The following PLEKHB1 variants were observed in gnomAD, a reference collection of about 807,000 sequenced individuals.
PLEKHB1 encodes pleckstrin homology domain containing B1, also known as pleckstrin homology domain-containing family B member 1.
PLEKHB1 carries 29 observed loss-of-function variants against 36.2 expected under a neutral mutation model. That is an observed-to-expected ratio of 0.80 (90% CI 0.60 to 1.09). The LOEUF (loss-of-function observed/expected upper bound fraction) is 1.09. Ranked by LOEUF, PLEKHB1 falls within the 50% of genes least tolerant of loss-of-function variation. The pLI, the probability that PLEKHB1 is intolerant of heterozygous loss-of-function variation, is 0.00. For synonymous variants in PLEKHB1, 138 were observed against 140.0 expected (o/e 0.99, Z 0.10); for missense variants, 330 against 348.2 (o/e 0.95, Z 0.42).
chr11:73,660,987 C>A, intron 7 of PLEKHB1, 135 bp downstream of exon 7: 2 of 793,854 alleles, frequency 2.5e-6, no homozygotes, highest in Non-Finnish European at 2.0e-6. Flanking sequence ...GAACTCTCCG[C>A]AAGCCCCTCT....
intron 6 of PLEKHB1, 67 bp from the exon 7 acceptor site, chr11:73,660,686 C>A: frequency 6.9e-7 from 1 of 1,450,730 alleles, no homozygotes; most frequent in Non-Finnish European, 9.4e-7. Flanking sequence ...CTGTGCCAGG[C>A]GTGGGGGTAG....
At chr11:73,651,332 G>A (rs529416385) in intron 3 of PLEKHB1, 29 of 420,408 alleles carry the variant, frequency 6.9e-5, no homozygotes, top group African/African-American at 5.8e-4. Context: ...ACAGCCTGGG[G>A]GACAGAGCTA....
At chr11:73,648,907 C>G in intron 1 of PLEKHB1, 105 bp from the exon 2 acceptor site, 1 of 1,485,630 alleles carries the variant, frequency 6.7e-7, no homozygotes. Context: ...TTTACTAACC[C>G]TCCCTCAAAC....
At chr11:73,652,267 A>T (rs1409310808) in intron 4 of PLEKHB1, among the ~76,000 whole-genome samples, 1 of 152,186 alleles carries the variant, frequency 6.6e-6, no homozygotes, top group East Asian at 1.9e-4. Context: ...GGGGACTCTG[A>T]TCTGAGGGGT....
chr11:73,650,178 G>T (rs1944858541), intron 2 of PLEKHB1, among the ~76,000 whole-genome samples: 1 of 152,196 alleles, frequency 6.6e-6, no homozygotes, highest in Non-Finnish European at 1.5e-5. Flanking sequence ...CTGTGCCCCT[G>T]CACTCCAGCC....
rs1286679437 is a variant in PLEKHB1, at chr11:73,654,796, G to A, written c.391-1007G>A. ...ATGAGGCGAATGAAACAGGAGAGATGACCTCTGAGGTCATCGGGGCCAGCT... is the reference window on the plus strand; with the variant it reads ...ATGAGGCGAATGAAACAGGAGAGATAACCTCTGAGGTCATCGGGGCCAGCT... On this transcript the variant is annotated intron_variant, in intron 5 of 7. Coordinates refer to ENST00000354190, the MANE Select transcript of PLEKHB1 (RefSeq NM_021200.3). 5.9e-5 allele frequency among the ~76,000 whole-genome samples: 9 copies of A among 152,316 alleles called. No homozygotes were observed. The East Asian group carries it at 1.2e-3, about 20-fold the overall frequency.
At chr11:73,655,418 C>T (rs1944973335) in intron 5 of PLEKHB1, among the ~76,000 whole-genome samples, 2 of 152,142 alleles carry the variant, frequency 1.3e-5, no homozygotes, top group East Asian at 1.9e-4. Flanking sequence ...CCCCTAACAC[C>T]AGCTTTACTG....
At chr11:73,658,892 C>T (rs920835566) in intron 6 of PLEKHB1, among the ~76,000 whole-genome samples, 1 of 152,214 alleles carries the variant, frequency 6.6e-6, no homozygotes, top group Non-Finnish European at 1.5e-5. Context: ...GCTGGGATTA[C>T]AGGCATAAGC....
intron 6 of PLEKHB1, among the ~76,000 whole-genome samples, chr11:73,658,592 G>A (rs777044652): frequency 2.0e-5 from 3 of 151,806 alleles, no homozygotes; most frequent in Non-Finnish European, 4.4e-5. Context: ...GCAACAACCT[G>A]CTTTCTTTCC....
At chr11:73,651,226 G>A (rs192438024) in intron 3 of PLEKHB1, among the ~76,000 whole-genome samples, 21 of 151,912 alleles carry the variant, frequency 1.4e-4, no homozygotes, top group African/African-American at 4.8e-4. Flanking sequence ...GCATGGTAGT[G>A]TGTACCTGTA....
chr11:73,649,186 C>A, intron 2 of PLEKHB1, 99 bp downstream of exon 2: 2 of 1,412,850 alleles, frequency 1.4e-6, no homozygotes, highest in Non-Finnish European at 1.9e-6. Flanking sequence ...AGGACCTTTT[C>A]ATCCTTCCCT....
intron 5 of PLEKHB1, 119 bp from the exon 6 acceptor site, chr11:73,655,683 GC>G (rs1156477728): frequency 1.8e-5 from 14 of 785,684 alleles, no homozygotes; most frequent in Non-Finnish European, 2.9e-5. Context: ...CCCTGCCACA[GC>G]CCAGCTGGCG....
rs1219868545 is a variant in PLEKHB1 at position 73,649,090 on chromosome 11, G to A, written c.94+3G>A. 3.1e-6 allele frequency: 5 copies of A among 1,592,884 alleles called. No homozygotes were observed. The highest frequency in any genetic ancestry group is 1.3e-5 in the African/African-American group (1 of 74,680). ...GGGCGGCTGGCTGTGGAGACAGAGT[G>A]AGTGATCCTGGGCCCCTGGTCCTGG... On this transcript the variant is annotated splice_donor_region_variant and intron_variant, in intron 2 of 7. Coordinates refer to ENST00000354190, the MANE Select transcript of PLEKHB1 (RefSeq NM_021200.3).
At chr11:73,653,790 T>TA (rs1944944501) in intron 5 of PLEKHB1, among the ~76,000 whole-genome samples, 1 of 151,910 alleles carries the variant, frequency 6.6e-6, no homozygotes, top group Non-Finnish European at 1.5e-5. Context: ...GGCTGGTGCT[T>TA]AGGGAGTGAG....
chr11:73,660,838 G>T lies in PLEKHB1; in HGVS notation c.581G>T (p.Gly194Val), dbSNP rs746603363. The T allele has an allele frequency of 6.3e-7, 1 of 1,593,490 alleles. No homozygotes were observed. Among genetic ancestry groups the T allele is most frequent in the East Asian group, 2.3e-5 (1 of 43,506 alleles). ...HEATYVRSYYGPPYAGPGVTH... is the reference protein window; with the variant it reads ...HEATYVRSYYVPPYAGPGVTH... Reference sequence around the variant, plus strand: ...GCCACGTATGTCCGCAGCTACTACGGACCGCCCTACGCAGGTAAGTCTCCA... The same window carrying T: ...GCCACGTATGTCCGCAGCTACTACGTACCGCCCTACGCAGGTAAGTCTCCA... The change falls in exon 7 of 8, where the codon GGA becomes GTA. Residue 194 changes from glycine to valine, a missense_variant. By Grantham distance (109) the Gly-to-Val change is moderately radical. Coordinates refer to ENST00000354190, the MANE Select transcript of PLEKHB1 (RefSeq NM_021200.3).
At chr11:73,653,116 A>G in intron 5 of PLEKHB1, 102 bp downstream of exon 5, 5 of 1,250,350 alleles carry the variant, frequency 4.0e-6, no homozygotes, top group Non-Finnish European at 5.6e-6. Flanking sequence ...TCTCAGTCTT[A>G]TGTGGATAGG....
Position 73,649,023 on chromosome 11 carries a change from C to G in PLEKHB1, c.30C>G (p.Asp10Glu). The change falls in exon 2 of 8, where the codon GAC becomes GAG. Residue 10 changes from aspartate (D) to glutamate (E), a missense_variant. By Grantham distance (45) the Asp-to-Glu change is conservative (BLOSUM62 2). Coordinates refer to ENST00000354190, the MANE Select transcript of PLEKHB1 (RefSeq NM_021200.3). Reference sequence around the variant, plus strand: ...GGCTCCTCTGACAGGTCCCGCCTGACTCCGCTCTGGAAAGTCCTTTTGAAG... The same window carrying G: ...GGCTCCTCTGACAGGTCCCGCCTGAGTCCGCTCTGGAAAGTCCTTTTGAAG... MSPAAPVPP[D>E]SALESPFEEM... 1.3e-6 allele frequency: 2 copies of G among 1,596,304 alleles called. No individual in the cohort carries two copies. Among genetic ancestry groups the G allele is most frequent in the Non-Finnish European group, 1.7e-6 (2 of 1,171,506 alleles).
chr11:73,651,922 A>G, intron 4 of PLEKHB1, 32 bp downstream of exon 4: 1 of 1,594,476 alleles, frequency 6.3e-7, no homozygotes, highest in South Asian at 1.1e-5. Flanking sequence ...ATGGGGTGGA[A>G]TCTCGGGGAA....
At position 73,652,980 on chromosome 11, in the gene PLEKHB1, G is replaced by T; in HGVS notation, c.356G>T (p.Trp119Leu). 6.2e-7 allele frequency: 1 copy of T among 1,609,888 alleles called. No individual in the cohort carries two copies. Among genetic ancestry groups the T allele is most frequent in the East Asian group, 2.2e-5 (1 of 44,694 alleles). ...CAETKDDALA[W>L]KTALLEANST... ...TGGTGGGATTTGCTTTGCAGAGCAT[G>T]GAAGACAGCACTGCTGGAGGCAAAC... Residue 119 changes from tryptophan to leucine, a missense_variant, in exon 5 of 8, where the codon TGG becomes TTG. Transcript: ENST00000354190.
Sources: gnomAD v4.1 joint callset for allele counts (sites outside exome capture counted in the v4.1 genomes callset) on GRCh38, gnomAD v4.1.1 for gene constraint, MANE v1.5 for transcripts, NCBI Gene and HGNC (gene_info 2026-07-23, HGNC 2026-07-21) for gene names.